FAM185A: variants seen among roughly 807,000 people sequenced by gnomAD.
The protein encoded by FAM185A is family with sequence similarity 185 member A.
A neutral mutation model predicts 45.7 loss-of-function variants in FAM185A; 21 were observed. The observed-to-expected ratio is 0.46, with a 90% CI of 0.33 to 0.66. The LOEUF is 0.66. Ranked by LOEUF, FAM185A falls within the 30% of genes least tolerant of loss-of-function variation. The pLI, the probability that FAM185A is intolerant of heterozygous loss-of-function variation, is 0.03. For synonymous variants in FAM185A, 117 were observed against 194.0 expected (o/e 0.60, Z 3.30); for missense variants, 305 against 485.4 (o/e 0.63, Z 3.49).
intron 7 of FAM185A, among the ~76,000 whole-genome samples, chr7:102,793,505 G>A (rs1028130932): frequency 4.0e-5 from 6 of 151,856 alleles, no homozygotes; most frequent in African/African-American, 1.5e-4. Context: ...CACTGCATCC[G>A]GCCGCTTTTA....
chr7:102,812,541 G>A (rs17396029), downstream of FAM185A, among the ~76,000 whole-genome samples: 4,171 of 152,190 alleles, frequency 0.027, 73 homozygotes, highest in Middle Eastern at 0.044. Context: ...TAAATGTCTG[G>A]AAACCACAGA....
At chr7:102,753,627 G>A (rs1170356797) in intron 2 of FAM185A, among the ~76,000 whole-genome samples, 1 of 151,394 alleles carries the variant, frequency 6.6e-6, no homozygotes, top group Non-Finnish European at 1.5e-5. Flanking sequence ...AGTTGAGAAC[G>A]ACTGCTTTAT....
chr7:102,838,193 T>G, the FAM185A span, among the ~76,000 whole-genome samples: 1 of 152,178 alleles, frequency 6.6e-6, no homozygotes, highest in Non-Finnish European at 1.5e-5. Flanking sequence ...TGTCTCTGGA[T>G]AAGTTACTCA....
intron 4 of FAM185A, 73 bp from the exon 5 acceptor site, chr7:102,772,336 T>G (rs1405684088): frequency 1.5e-5 from 13 of 872,780 alleles, no homozygotes; most frequent in Non-Finnish European, 2.3e-5. Flanking sequence ...ATCCATGTTT[T>G]AGCATTGCTA....
intron 7 of FAM185A, among the ~76,000 whole-genome samples, chr7:102,803,538 A>C (rs1289195495): frequency 6.6e-6 from 1 of 152,188 alleles, no homozygotes. Flanking sequence ...ACCTCAATGT[A>C]ATAAAAGCCA....
chr7:102,850,423 T>A, the FAM185A span, among the ~76,000 whole-genome samples: 1 of 152,216 alleles, frequency 6.6e-6, no homozygotes, highest in East Asian at 1.9e-4. Flanking sequence ...CTAAATGATT[T>A]CTAGTTATTG....
intron 5 of FAM185A, among the ~76,000 whole-genome samples, chr7:102,773,737 T>A (rs1794892723): frequency 6.6e-6 from 1 of 152,158 alleles, no homozygotes; most frequent in South Asian, 2.1e-4. Flanking sequence ...TTTTAAAATT[T>A]TTTTATATCA....
At chr7:102,834,032 TGAAGGAAGGAAGGAAGGAAGGAAGGAAG>T in the FAM185A span, among the ~76,000 whole-genome samples, 1 of 75,470 alleles carries the variant, frequency 1.3e-5, no homozygotes, top group African/African-American at 6.0e-5. Context: ...GAAACCATGA[TGAAGGAAGGAAGGAAGGAAGGAAGGAAG>T]GAAGGAAGGA....
the FAM185A span, among the ~76,000 whole-genome samples, chr7:102,845,007 A>C: frequency 2.6e-5 from 4 of 152,340 alleles, no homozygotes; most frequent in African/African-American, 7.2e-5. Flanking sequence ...CTGTCCCCAC[A>C]GAGTTGGAGT....
chr7:102,836,943 C>T, the FAM185A span, among the ~76,000 whole-genome samples: 1 of 152,214 alleles, frequency 6.6e-6, no homozygotes, highest in Non-Finnish European at 1.5e-5. Flanking sequence ...AATTCTACTG[C>T]AAAGTTGGGG....
At chr7:102,828,314 G>T in the FAM185A span, among the ~76,000 whole-genome samples, 2 of 152,112 alleles carry the variant, frequency 1.3e-5, no homozygotes, top group Admixed American at 6.6e-5. Flanking sequence ...TTGTAAGTTG[G>T]ATTCCTAGGT....
At chr7:102,806,012 G>T (rs1797089891) in intron 7 of FAM185A, among the ~76,000 whole-genome samples, 1 of 152,162 alleles carries the variant, frequency 6.6e-6, no homozygotes, top group African/African-American at 2.4e-5. Flanking sequence ...TGTGCCAGCA[G>T]ATCTGTTTGG....
the FAM185A span, among the ~76,000 whole-genome samples, chr7:102,843,686 G>C: frequency 6.6e-6 from 1 of 152,164 alleles, no homozygotes; most frequent in African/African-American, 2.4e-5. Context: ...TGAGACAGGA[G>C]AATCGCTTGA....
At chr7:102,778,046 G>T (rs1460716803) in intron 6 of FAM185A, among the ~76,000 whole-genome samples, 2 of 152,208 alleles carry the variant, frequency 1.3e-5, no homozygotes, top group African/African-American at 4.8e-5. Context: ...AGAAAGTTAA[G>T]AACTGTAGCT....
At chr7:102,787,545 G>C in intron 7 of FAM185A, 76 bp downstream of exon 7, 1 of 1,309,250 alleles carries the variant, frequency 7.6e-7, no homozygotes, top group Non-Finnish European at 9.8e-7. Context: ...TACACTTAAC[G>C]GAAGTTTTAG....
At chr7:102,800,309 G>C (rs532746038) in intron 7 of FAM185A, among the ~76,000 whole-genome samples, 43 of 152,154 alleles carry the variant, frequency 2.8e-4, no homozygotes, top group Non-Finnish European at 5.7e-4. Context: ...CCAGAAAACT[G>C]TGTTGGTTTT....
chr7:102,832,894 T>C, the FAM185A span: 86 of 1,614,104 alleles, frequency 5.3e-5, 1 homozygote, highest in African/African-American at 1.1e-3. Flanking sequence ...AAATGGCCAG[T>C]GCTTTGATAA....
Position 102,753,618 on chromosome 7 carries a change from G to A in FAM185A, c.561+1817G>A, listed in dbSNP as rs1263940688. Among the ~76,000 whole-genome samples the A allele has an allele frequency of 2.6e-5, 4 of 151,608 alleles. No homozygotes were observed. The East Asian group carries it at 7.7e-4, about 29-fold the overall frequency. On this transcript the variant is annotated intron_variant, in intron 2 of 7. Coordinates refer to ENST00000413034, the MANE Select transcript of FAM185A (RefSeq NM_001145268.2). ...TCTTCTAGAGACAAAATCATCTCCA[G>A]TTGAGAACGACTGCTTTATGCAAGT...
the FAM185A span, chr7:102,821,928 A>G: frequency 8.3e-7 from 1 of 1,198,758 alleles, no homozygotes; most frequent in East Asian, 2.4e-5. Flanking sequence ...ATAAAATGAA[A>G]TGAAACTTCC....
Sources: allele counts gnomAD v4.1 joint callset (sites outside exome capture counted in the v4.1 genomes callset), GRCh38; gene constraint gnomAD v4.1.1; transcripts MANE v1.5; gene names NCBI Gene and HGNC (gene_info 2026-07-23, HGNC 2026-07-21).